Variants in ATP8B1 observed in about 807,000 individuals in gnomAD.
ATP8B1 encodes phospholipid-transporting ATPase IC.
ATP8B1 carries 80 observed loss-of-function variants against 149.9 expected under a neutral mutation model. The observed-to-expected ratio is 0.53, with a 90% CI of 0.45 to 0.64. The LOEUF (loss-of-function observed/expected upper bound fraction) is 0.64. ATP8B1 is among the 30% of genes least tolerant of loss of function. The pLI, the probability that ATP8B1 is intolerant of heterozygous loss-of-function variation, is 0.00. For missense variants in ATP8B1, 1,247 were observed against 1,552.6 expected, an observed-to-expected ratio of 0.80 and a Z score of 3.31; for synonymous variants, 536 against 562.8, an observed-to-expected ratio of 0.95 and a Z score of 0.67.
At chr18:57,782,803 C>CTTTTTTT (rs79009229) in intron 1 of ATP8B1, among the ~76,000 whole-genome samples, 2,192 of 90,934 alleles carry the variant, frequency 0.024, 377 homozygotes, top group East Asian at 0.1. Context: ...TAGTTTGTCT[C>CTTTTTTT]TTTTTTTTTT....
Position 57,652,571 on chromosome 18 carries a change from G to T in ATP8B1, c.3174C>A (p.Thr1058=). 6.2e-7 allele frequency: 1 copy of T among 1,614,152 alleles called. No individual in the cohort carries two copies. The highest frequency in any genetic ancestry group is 2.2e-5 in the East Asian group (1 of 44,884). The change falls in exon 25 of 28, where the codon ACC becomes ACA. Residue 1058 remains threonine, a synonymous_variant. Transcript: ENST00000648908. ...AAGGTGCCTCTCCATCCTGCCCTAC[G>T]GTTTGCAGATAAGCTCCAAGAGGTA... ...FFIPLGAYLQ[T]VGQDGEAPSD... is the part of the protein sequence containing the mutation.
chr18:57,724,407 AAAAAC>A (rs2079682819), intron 2 of ATP8B1, among the ~76,000 whole-genome samples: 1 of 141,214 alleles, frequency 7.1e-6, no homozygotes, highest in African/African-American at 2.6e-5. Flanking sequence ...TTTACAAGAA[AAAAAC>A]AAACAACCCC....
At chr18:57,697,534 T>A in intron 8 of ATP8B1, 84 bp downstream of exon 8, 1 of 1,437,866 alleles carries the variant, frequency 7.0e-7, no homozygotes, top group Non-Finnish European at 9.8e-7. Context: ...TATCAAGCCG[T>A]CTGGTCCACA....
At chr18:57,756,234 CACATATAT>C (rs2080079015) in intron 1 of ATP8B1, among the ~76,000 whole-genome samples, 1 of 97,530 alleles carries the variant, frequency 1.0e-5, no homozygotes, top group African/African-American at 4.6e-5. Flanking sequence ...CACACACACA[CACATATAT>C]ACACACACAC....
chr18:57,709,205 G>A (rs1421783621), intron 2 of ATP8B1, among the ~76,000 whole-genome samples: 6 of 152,120 alleles, frequency 3.9e-5, no homozygotes, highest in Non-Finnish European at 7.4e-5. Flanking sequence ...TAGGCTAATT[G>A]CTTGAGCTGT....
At position 57,713,100 on chromosome 18, in the gene ATP8B1, C is replaced by T. The variant is rs147549422; in HGVS notation, c.182-6513G>A. ...TGGTGGCCATGGTGAGAGATTCCTT[C>T]CGCTTGAGAAAAGCAGAAGGAAAAT... is the stretch of plus-strand genomic sequence containing the variant. On this transcript the variant is annotated intron_variant, in intron 2 of 27. Coordinates refer to ENST00000648908, the MANE Select transcript of ATP8B1 (RefSeq NM_001374385.1). Among the ~76,000 whole-genome samples the T allele has an allele frequency of 3.9e-5, 6 of 152,174 alleles. No homozygotes were observed. In the East Asian group the frequency reaches 1.2e-3, roughly 30 times the overall value.
In ATP8B1 at chr18:57,667,949, C is replaced by T. The variant is rs1370358819; in HGVS notation, c.2209+480G>A. ...AGGCTTACAAAGTAAAGTATCAATA[C>T]CAAACAAGTGCTTGTTGAGTTCTAA... On this transcript the variant is annotated intron_variant, in intron 19 of 27. Coordinates refer to ENST00000648908, the MANE Select transcript of ATP8B1 (RefSeq NM_001374385.1). The T allele has an allele frequency of 7.9e-6, 5 of 635,932 alleles. No homozygotes were observed. In the East Asian group the frequency reaches 2.8e-4, roughly 36 times the overall value. The allele number at this position is 635,932 out of a possible 1,614,324, so 39.4% of individuals were successfully genotyped here.
intron 1 of ATP8B1, among the ~76,000 whole-genome samples, chr18:57,767,229 A>T (rs955457239): frequency 1.3e-5 from 2 of 152,208 alleles, no homozygotes; most frequent in African/African-American, 4.8e-5. Flanking sequence ...TAGGTCCAGT[A>T]GAGTCGCAGA....
chr18:57,762,141 A>AT (rs11300223), intron 1 of ATP8B1, among the ~76,000 whole-genome samples: 26,703 of 126,534 alleles, frequency 0.21, 2,968 homozygotes, highest in African/African-American at 0.33. Context: ...ATATATATAT[A>AT]TTTTTTTTTT....
intron 1 of ATP8B1, among the ~76,000 whole-genome samples, chr18:57,772,471 C>A (rs552893548): frequency 1.3e-4 from 20 of 151,944 alleles, no homozygotes; most frequent in Non-Finnish European, 2.9e-4. Flanking sequence ...TACTAAAGTG[C>A]GGGTAGACAG....
At chr18:57,711,045 T>G (rs549565480) in intron 2 of ATP8B1, among the ~76,000 whole-genome samples, 53 of 152,324 alleles carry the variant, frequency 3.5e-4, no homozygotes, top group African/African-American at 1.2e-3. Context: ...TGGCACATGG[T>G]AATGCTTGGG....
chr18:57,693,239 T>C (rs74539177), intron 11 of ATP8B1, among the ~76,000 whole-genome samples: 11 of 152,308 alleles, frequency 7.2e-5, no homozygotes, highest in South Asian at 4.1e-4. Context: ...AAATTTTTCA[T>C]TGGGAAATAG....
chr18:57,739,343 A>G (rs1314379813), intron 1 of ATP8B1, among the ~76,000 whole-genome samples: 1 of 152,046 alleles, frequency 6.6e-6, no homozygotes, highest in African/African-American at 2.4e-5. Context: ...TCTTCCACTC[A>G]TGGTATTGAG....
rs759942412 is a variant in ATP8B1, at chr18:57,784,725, G to A, written c.-26+18273C>T. Among the ~76,000 whole-genome samples the A allele has an allele frequency of 1.3e-5, 2 of 152,096 alleles. No homozygotes were observed. The highest frequency in any genetic ancestry group is 2.1e-4 in the South Asian group (1 of 4,824). ...GCCTATGACTAAGTCCTGCGAAACC[G>A]TAGCATTTTAAGAGGACTCCTACCC... On this transcript the variant is annotated intron_variant, in intron 1 of 27. Coordinates refer to ENST00000648908, the MANE Select transcript of ATP8B1 (RefSeq NM_001374385.1). This position sits in a 1 kb window ranked among gnomAD's most constrained non-coding sequence, Gnocchi z 4.4.
intron 1 of ATP8B1, among the ~76,000 whole-genome samples, chr18:57,796,442 G>A (rs1013134305): frequency 1.3e-5 from 2 of 152,068 alleles, no homozygotes; most frequent in Non-Finnish European, 1.5e-5. Context: ...TTAGGAGTTC[G>A]AGACCAGCCT....
At chr18:57,801,406 A>G (rs2080572729) in intron 1 of ATP8B1, among the ~76,000 whole-genome samples, 1 of 152,216 alleles carries the variant, frequency 6.6e-6, no homozygotes. Flanking sequence ...CTCCCCCAGA[A>G]AGTAATCAGC....
In ATP8B1 at chr18:57,687,086, C is replaced by G. The variant is rs138527798; in HGVS notation, c.1429+1213G>C. 2.6e-4 allele frequency among the ~76,000 whole-genome samples: 40 copies of G among 152,272 alleles called. No homozygotes were observed. The East Asian group carries it at 7.7e-3, about 29-fold the overall frequency. On this transcript the variant is annotated intron_variant, in intron 13 of 27. Coordinates refer to ENST00000648908, the MANE Select transcript of ATP8B1 (RefSeq NM_001374385.1). The stretch of plus-strand genomic sequence containing the variant: ...TCAAGCAATCCTCCCACCTTGACCT[C>G]CCAAAGTGTTGTTATTATAGGCATG...
intron 22 of ATP8B1, among the ~76,000 whole-genome samples, chr18:57,656,819 A>T (rs1599074058): frequency 1.8e-5 from 2 of 111,920 alleles, no homozygotes; most frequent in East Asian, 5.4e-4. Context: ...GAGAGAAGGG[A>T]GGGAGGGGAG....
In ATP8B1 at chr18:57,648,518, G is replaced by A. The variant is rs1215025346; in HGVS notation, c.3726C>T (p.Thr1242=). The A allele has an allele frequency of 1.2e-6, 2 of 1,611,402 alleles. No homozygotes were observed. Among genetic ancestry groups the A allele is most frequent in the Admixed American group, 1.7e-5 (1 of 60,036 alleles). Residue 1242 remains threonine (T), a synonymous_variant, in exon 28 of 28, where the codon ACC becomes ACT. Coordinates refer to ENST00000648908, the MANE Select transcript of ATP8B1 (RefSeq NM_001374385.1). ...TGTCCCCGGTGCGCCTGTACTCCGCGGTGCCATCCGCCACGATGGCATCAA... is the reference window on the plus strand; with the variant it reads ...TGTCCCCGGTGCGCCTGTACTCCGCAGTGCCATCCGCCACGATGGCATCAA... ...SPLDAIVADG[T]AEYRRTGDS
Sources: gnomAD v4.1 joint callset for allele counts (sites outside exome capture counted in the v4.1 genomes callset) on GRCh38, gnomAD v4.1.1 for gene constraint, Gnocchi (gnomAD v3.1) non-coding constraint, MANE v1.5 for transcripts, NCBI Gene and HGNC (gene_info 2026-07-23, HGNC 2026-07-21) for gene names.